Variants in NPAS3 observed in about 807,000 individuals in gnomAD.
The protein encoded by NPAS3 is neuronal PAS domain protein 3, also known as neuronal PAS domain-containing protein 3.
In NPAS3, 14 loss-of-function variants were observed where a neutral mutation model predicts 73.1. The ratio of observed to expected loss-of-function variants is 0.19; its 90% CI spans 0.13 to 0.30. The LOEUF is 0.30. NPAS3 is among the 10% of genes least tolerant of loss of function. The probability of loss-of-function intolerance (pLI) is 1.00; values close to 1 mark genes in which losing one functional copy is unlikely to be tolerated. For synonymous variants in NPAS3, 620 were observed against 541.5 expected, an observed-to-expected ratio of 1.14 and a Z score of -2.01; for missense variants, 1,096 against 1,250.0, an observed-to-expected ratio of 0.88 and a Z score of 1.86.
chr14:33,722,734 A>C (rs879932661), intron 6 of NPAS3, among the ~76,000 whole-genome samples: 1 of 152,182 alleles, frequency 6.6e-6, no homozygotes, highest in Non-Finnish European at 1.5e-5. Flanking sequence ...TTATTGGGTT[A>C]TCTCTCATTT....
intron 4 of NPAS3, among the ~76,000 whole-genome samples, chr14:33,496,873 G>T (rs768018612): frequency 6.6e-6 from 1 of 152,002 alleles, no homozygotes; most frequent in African/African-American, 2.4e-5. Context: ...GAGAAAGAAA[G>T]AAAGTTTATT....
At chr14:33,299,426 G>T (rs1043515444) in intron 3 of NPAS3, among the ~76,000 whole-genome samples, 3 of 152,112 alleles carry the variant, frequency 2.0e-5, no homozygotes. Context: ...ACCTGAACCT[G>T]AGAAGACACA....
At chr14:33,544,818 A>ATTT (rs1566989776) in intron 4 of NPAS3, among the ~76,000 whole-genome samples, 3 of 103,512 alleles carry the variant, frequency 2.9e-5, no homozygotes, top group Non-Finnish European at 5.4e-5. Flanking sequence ...ATATGTATAT[A>ATTT]TAATATATAT....
chr14:33,045,080 A>C (rs1413087747), intron 1 of NPAS3, among the ~76,000 whole-genome samples: 1 of 152,170 alleles, frequency 6.6e-6, no homozygotes, highest in African/African-American at 2.4e-5. Context: ...CCAGTACATT[A>C]AGGCCCAACC....
At chr14:33,316,424 G>A (rs976459820) in intron 3 of NPAS3, among the ~76,000 whole-genome samples, 4 of 152,148 alleles carry the variant, frequency 2.6e-5, no homozygotes, top group Admixed American at 2.0e-4. Flanking sequence ...GAGAAGTTAC[G>A]TGGCATCCTG....
At chr14:33,380,931 G>A (rs1185322204) in intron 4 of NPAS3, among the ~76,000 whole-genome samples, 1 of 151,680 alleles carries the variant, frequency 6.6e-6, no homozygotes, top group Non-Finnish European at 1.5e-5. Context: ...TTGATACAAT[G>A]TTTTAGTAAA....
chr14:32,985,016 A>G (rs546181077), intron 1 of NPAS3, among the ~76,000 whole-genome samples: 1 of 152,354 alleles, frequency 6.6e-6, no homozygotes, highest in East Asian at 1.9e-4. Context: ...GCATAAAAAT[A>G]TACATAATTT....
chr14:33,154,521 A>G (rs1284007172), intron 2 of NPAS3, among the ~76,000 whole-genome samples: 1 of 152,154 alleles, frequency 6.6e-6, no homozygotes, highest in Non-Finnish European at 1.5e-5. Flanking sequence ...TCTTTTTACG[A>G]CTCAGAGGAT....
At chr14:33,056,136 ACAAAC>A (rs963821173) in intron 2 of NPAS3, 142 bp downstream of exon 2, 2 of 542,832 alleles carry the variant, frequency 3.7e-6, no homozygotes, top group Non-Finnish European at 6.5e-6. Context: ...AAACAAACCA[ACAAAC>A]CAAACCAAAT....
At position 33,074,398 on chromosome 14, in the gene NPAS3, A is replaced by G. The variant is rs79352900; in HGVS notation, c.140+18404A>G. Reference sequence around the variant, plus strand: ...ACATGACACATGCATGTTGTGGGTGATGGTGCAGGGATAACACATTCTTTC... The same window carrying G: ...ACATGACACATGCATGTTGTGGGTGGTGGTGCAGGGATAACACATTCTTTC... On this transcript the variant is annotated intron_variant, in intron 2 of 11. Coordinates refer to ENST00000356141, the Ensembl canonical transcript of NPAS3. Among the ~76,000 whole-genome samples, 1,218 of 152,214 alleles carry G rather than the reference A, an allele frequency of 8.0e-3. 15 individuals carry two copies. Among genetic ancestry groups the G allele is most frequent in the African/African-American group, 0.027 (1,126 of 41,532 alleles).
chr14:33,006,011 G>A (rs1038457390), intron 1 of NPAS3, among the ~76,000 whole-genome samples: 1 of 152,096 alleles, frequency 6.6e-6, no homozygotes, highest in African/African-American at 2.4e-5. Flanking sequence ...CCAGAAGGCG[G>A]GGAGCCATTG....
chr14:33,700,045 C>T (rs1161229128), intron 6 of NPAS3, among the ~76,000 whole-genome samples: 1 of 152,110 alleles, frequency 6.6e-6, no homozygotes, highest in East Asian at 1.9e-4. Context: ...AACTTGTTCC[C>T]TCTGGGGAAG....
In NPAS3 at chr14:33,785,536, C is replaced by T. The variant is rs567410956; in HGVS notation, c.1153+6964C>T. 3.9e-5 allele frequency among the ~76,000 whole-genome samples: 6 copies of T among 152,002 alleles called. 1 individual carries two copies. The highest frequency in any genetic ancestry group is 9.7e-5 in the African/African-American group (4 of 41,436). On this transcript the variant is annotated intron_variant, in intron 9 of 11. Transcript: ENST00000356141. ...ATTCCATTACTTCTTATAATGGCAT[C>T]GTGTTCTCAATCTTATACAAACTAT...
At chr14:33,040,522 A>G (rs1202667843) in intron 1 of NPAS3, among the ~76,000 whole-genome samples, 2 of 152,166 alleles carry the variant, frequency 1.3e-5, no homozygotes, top group South Asian at 2.1e-4. Flanking sequence ...CATAACCACA[A>G]AATAGTCTAC....
intron 3 of NPAS3, among the ~76,000 whole-genome samples, chr14:33,264,683 T>G (rs35780953): frequency 0.11 from 17,402 of 152,188 alleles, 1,176 homozygotes; most frequent in Middle Eastern, 0.17. Flanking sequence ...TGTTGCTTTT[T>G]TCTTCTCCTT....
chr14:33,645,391 T>A (rs922720021), intron 5 of NPAS3, among the ~76,000 whole-genome samples: 2 of 152,178 alleles, frequency 1.3e-5, no homozygotes, highest in African/African-American at 2.4e-5. Flanking sequence ...TGTGTAGTAA[T>A]ACCTAATTCA....
chr14:33,539,025 G>T (rs1331901430), intron 4 of NPAS3, among the ~76,000 whole-genome samples: 1 of 152,076 alleles, frequency 6.6e-6, no homozygotes, highest in Non-Finnish European at 1.5e-5. Flanking sequence ...GCATCATCTA[G>T]CTGACTCTTA....
chr14:33,243,302 T>C (rs1314285994), intron 3 of NPAS3, among the ~76,000 whole-genome samples: 3 of 152,158 alleles, frequency 2.0e-5, no homozygotes, highest in Admixed American at 2.0e-4. Context: ...TCTTTACATA[T>C]AATCACTATA....
chr14:33,726,538 C>T (rs377556602), intron 6 of NPAS3, among the ~76,000 whole-genome samples: 10 of 152,118 alleles, frequency 6.6e-5, no homozygotes, highest in South Asian at 6.2e-4. Flanking sequence ...CTCTGAGACG[C>T]CACCATGTCA....
Sources: allele counts gnomAD v4.1 joint callset (sites outside exome capture counted in the v4.1 genomes callset), GRCh38; gene constraint gnomAD v4.1.1; transcripts MANE v1.5; gene names NCBI Gene and HGNC (gene_info 2026-07-23, HGNC 2026-07-21).